Variants in GOLGA4 observed in about 807,000 individuals in gnomAD.
GOLGA4 encodes golgin subfamily A member 4.
Under a neutral mutation model 265.9 loss-of-function variants are expected in GOLGA4, and 169 were observed. That is an observed-to-expected ratio of 0.64 (90% CI 0.56 to 0.72). The LOEUF (loss-of-function observed/expected upper bound fraction) is 0.72. Ranked by LOEUF, GOLGA4 falls within the 30% of genes least tolerant of loss-of-function variation. The pLI is 0.00. For missense variants in GOLGA4, 2,482 were observed against 2,483.4 expected (o/e 1.00, Z 0.01); for synonymous variants, 923 against 855.8 (o/e 1.08, Z -1.37).
intron 1 of GOLGA4, among the ~76,000 whole-genome samples, chr3:37,247,345 G>T (rs1490517919): frequency 1.3e-5 from 2 of 152,164 alleles, no homozygotes; most frequent in Non-Finnish European, 2.9e-5. Flanking sequence ...TCTGCTGGAT[G>T]TTGCATTTGC....
Position 37,243,415 on chromosome 3 carries a change from C to T in GOLGA4, c.-136C>T. ...ACGAGTGTCCGGACTTGCCCACAGC[C>T]TCAAGGAGGAGACGGCGAGGCCCGG... On this transcript the variant is annotated 5_prime_UTR_variant, in exon 1 of 24. Coordinates refer to ENST00000361924, the MANE Select transcript of GOLGA4 (RefSeq NM_002078.5). 4.0e-6 allele frequency: 3 copies of T among 748,896 alleles called. No individual in the cohort carries two copies. The highest frequency in any genetic ancestry group is 7.1e-6 in the Non-Finnish European group (3 of 423,600). 46.4% of individuals were successfully genotyped at this position (748,896 alleles called of 1,614,324 possible).
intron 16 of GOLGA4, among the ~76,000 whole-genome samples, chr3:37,329,799 G>A (rs1671754891): frequency 6.6e-6 from 1 of 152,118 alleles, no homozygotes; most frequent in African/African-American, 2.4e-5. Context: ...GTTTTCAAAT[G>A]TAATACAATA....
rs2096969202 is a variant in GOLGA4, at chr3:37,325,949, G to C, written c.4063G>C (p.Val1355Leu). ...KKELSENINA[V>L]TLMKEELKEK... Reference sequence around the variant, plus strand: ...AGAGTTATCTGAAAACATCAATGCTGTCACATTGATGAAAGAAGAGCTTAA... The same window carrying C: ...AGAGTTATCTGAAAACATCAATGCTCTCACATTGATGAAAGAAGAGCTTAA... Residue 1355 changes from valine (V) to leucine (L), a missense_variant, in exon 14 of 24, where the codon GTC becomes CTC. This residue lies in a region of GOLGA4 where 942 missense variants were observed against 983.1 expected (regional missense o/e 0.96). Coordinates refer to ENST00000361924, the MANE Select transcript of GOLGA4 (RefSeq NM_002078.5). 1 of 1,601,840 alleles carries C rather than the reference G, an allele frequency of 6.2e-7. No individual in the cohort carries two copies. The highest frequency in any genetic ancestry group is 8.6e-7 in the Non-Finnish European group (1 of 1,169,184).
chr3:37,341,678 C>T (rs1353935339), intron 20 of GOLGA4: 1 of 152,186 alleles, frequency 6.6e-6, no homozygotes, highest in Non-Finnish European at 1.5e-5. Flanking sequence ...TGAATGCTCC[C>T]AATCTCATCT....
Position 37,299,108 on chromosome 3 carries a change from A to T in GOLGA4, c.1002+88A>T, listed in dbSNP as rs1163166856. Reference sequence around the variant, plus strand: ...GCATGGCTTGTACCTCCGGGAGAGGAGAGTGGATGGAAAGGGCATTTTTGT... The same window carrying T: ...GCATGGCTTGTACCTCCGGGAGAGGTGAGTGGATGGAAAGGGCATTTTTGT... On this transcript the variant is annotated intron_variant, in intron 8 of 23. Transcript: ENST00000361924. 1.2e-5 allele frequency: 14 copies of T among 1,173,494 alleles called. No individual in the cohort carries two copies. In the East Asian group the frequency reaches 3.3e-4, roughly 28 times the overall value. 72.7% of individuals were successfully genotyped at this position (1,173,494 alleles called of 1,614,324 possible). A position where few individuals can be genotyped will look rare whatever the true frequency, so the allele number is the denominator to read the frequency against.
intron 7 of GOLGA4, among the ~76,000 whole-genome samples, chr3:37,298,255 C>T (rs1250921362): frequency 2.6e-5 from 4 of 152,056 alleles, no homozygotes; most frequent in Non-Finnish European, 4.4e-5. Flanking sequence ...TTCACGGATC[C>T]GAGTTTTTAA....
intron 5 of GOLGA4, 84 bp from the exon 6 acceptor site, chr3:37,294,895 G>A (rs1319239608): frequency 1.3e-6 from 1 of 762,086 alleles, no homozygotes; most frequent in Non-Finnish European, 2.2e-6. Flanking sequence ...ATGCAAATCT[G>A]TATTCAACAT....
chr3:37,336,006 T>TA (rs1173305136), intron 17 of GOLGA4, among the ~76,000 whole-genome samples: 1 of 152,162 alleles, frequency 6.6e-6, no homozygotes, highest in Non-Finnish European at 1.5e-5. Flanking sequence ...GAGGATTCGT[T>TA]ACAGAATGTC....
At chr3:37,275,702 G>A (rs1189354267) in intron 2 of GOLGA4, 50 of 1,611,970 alleles carry the variant, frequency 3.1e-5, no homozygotes, top group Non-Finnish European at 3.6e-5. Context: ...CATGGAGGAC[G>A]AAGTGGTCCG....
chr3:37,293,861 C>T (rs2096871208), intron 5 of GOLGA4, among the ~76,000 whole-genome samples: 1 of 152,118 alleles, frequency 6.6e-6, no homozygotes, highest in Non-Finnish European at 1.5e-5. Flanking sequence ...TATACCTAGG[C>T]AATATTGTAT....
chr3:37,299,737 C>T (rs750362291), intron 9 of GOLGA4, among the ~76,000 whole-genome samples: 1 of 152,056 alleles, frequency 6.6e-6, no homozygotes, highest in Non-Finnish European at 1.5e-5. Flanking sequence ...AGATTAATCT[C>T]TCAGATAAGT....
intron 10 of GOLGA4, among the ~76,000 whole-genome samples, chr3:37,303,053 A>G (rs138683450): frequency 1.8e-4 from 28 of 152,376 alleles, no homozygotes; most frequent in African/African-American, 6.5e-4. Flanking sequence ...CACATTTCAG[A>G]TGCTACAATG....
At position 37,337,785 on chromosome 3, in the gene GOLGA4, G is replaced by T. The variant is rs1170590707; in HGVS notation, c.6396+51G>T. ...TTTTGAACTAAAGTTTCGTTAATAT[G>T]TACTTGGATCTCAGCTACTTTTTAA... On this transcript the variant is annotated intron_variant, in intron 19 of 23. Coordinates refer to ENST00000361924, the MANE Select transcript of GOLGA4 (RefSeq NM_002078.5). 3 of 1,160,022 alleles carry T rather than the reference G, an allele frequency of 2.6e-6. No homozygotes were observed. The Admixed American group carries it at 5.1e-5, about 20-fold the overall frequency. The allele number at this position is 1,160,022 out of a possible 1,614,324, so 71.9% of individuals were successfully genotyped here.
chr3:37,320,825 T>G (rs557381478), intron 12 of GOLGA4, among the ~76,000 whole-genome samples: 65 of 152,272 alleles, frequency 4.3e-4, no homozygotes, highest in Non-Finnish European at 8.4e-4. Context: ...AGTGGACTAT[T>G]AAAATTTCCT....
At chr3:37,297,884 C>T (rs904439628) in intron 7 of GOLGA4, among the ~76,000 whole-genome samples, 1 of 152,046 alleles carries the variant, frequency 6.6e-6, no homozygotes, top group Non-Finnish European at 1.5e-5. Flanking sequence ...AACAAGTTAG[C>T]GAGACGTGGT....
rs1188761985 is a variant in GOLGA4 at position 37,289,222 on chromosome 3, C to A, written c.526-13C>A. On this transcript the variant is annotated splice_polypyrimidine_tract_variant and intron_variant, in intron 4 of 23. Coordinates refer to ENST00000361924, the MANE Select transcript of GOLGA4 (RefSeq NM_002078.5). ...AGCTGTTTAACCAGCTTTTTTTTCT[C>A]TCTCAATTAAAGGGTATATTAAGTC... 1.3e-6 allele frequency: 2 copies of A among 1,511,100 alleles called. No individual in the cohort carries two copies. The highest frequency in any genetic ancestry group is 2.3e-5 in the East Asian group (1 of 43,936). The allele number at this position is 1,511,100 out of a possible 1,614,324, so 93.6% of individuals were successfully genotyped here.
intron 2 of GOLGA4, among the ~76,000 whole-genome samples, chr3:37,275,122 A>G (rs2096811123): frequency 6.9e-6 from 1 of 145,074 alleles, no homozygotes; most frequent in African/African-American, 2.5e-5. Flanking sequence ...AGGTTGAGGC[A>G]GGAGAATTGC....
At chr3:37,255,969 A>G (rs1342992864) in intron 2 of GOLGA4, among the ~76,000 whole-genome samples, 4 of 152,142 alleles carry the variant, frequency 2.6e-5, no homozygotes, top group Admixed American at 6.5e-5. Context: ...AATAAATCCA[A>G]GCCAGTCACA....
chr3:37,323,814 A>T lies in GOLGA4; in HGVS notation c.1928A>T (p.Glu643Val). The change falls in exon 14 of 24, where the codon GAA (glutamate) becomes GTA (valine). Residue 643 changes from glutamate (E) to valine (V), a missense_variant. Glu to Val is a moderately radical substitution (Grantham distance 121). Coordinates refer to ENST00000361924, the MANE Select transcript of GOLGA4 (RefSeq NM_002078.5). ...VLKQQYQTEM[E>V]KLREKCEQEK... ...AAGCAACAATATCAGACTGAAATGG[A>T]AAAACTTAGGGAAAAGTGTGAACAA... is the stretch of plus-strand genomic sequence containing the variant. 1 of 1,609,792 alleles carries T rather than the reference A, an allele frequency of 6.2e-7. No individual in the cohort carries two copies. Among genetic ancestry groups the T allele is most frequent in the South Asian group, 1.1e-5 (1 of 89,670 alleles).
Sources: allele counts gnomAD v4.1 joint callset (sites outside exome capture counted in the v4.1 genomes callset), GRCh38; gene constraint gnomAD v4.1.1; regional missense constraint gnomAD v4.1.1; transcripts MANE v1.5; gene names NCBI Gene and HGNC (gene_info 2026-07-23, HGNC 2026-07-21).